Variants in ATAD3B observed in about 807,000 individuals in gnomAD.
The protein encoded by ATAD3B is ATPase family AAA domain-containing protein 3B.
Under a neutral mutation model 70.2 loss-of-function variants are expected in ATAD3B, and 59 were observed. That is an observed-to-expected ratio of 0.84 (90% CI 0.68 to 1.04). The LOEUF (loss-of-function observed/expected upper bound fraction) is 1.04, where lower values mean the gene tolerates loss of function less well. Ranked by LOEUF, ATAD3B falls within the 50% of genes least tolerant of loss-of-function variation. The pLI, the probability that ATAD3B is intolerant of heterozygous loss-of-function variation, is 0.00. For synonymous variants in ATAD3B, 423 were observed against 388.6 expected (o/e 1.09, Z -1.04); for missense variants, 961 against 913.4 (o/e 1.05, Z -0.67).
rs551300769 is a variant in ATAD3B at position 1,487,444 on chromosome 1, C to T, written c.1215-419C>T. Among the ~76,000 whole-genome samples the T allele has an allele frequency of 5.3e-5, 8 of 150,742 alleles. 1 individual carries two copies. The South Asian group carries it at 1.5e-3, about 28-fold the overall frequency. ...CAGAGCCTGCAGTGAGCCGAGATTG[C>T]GCCACTGCACTCCAGCCTGGGAGAC... is the stretch of plus-strand genomic sequence containing the variant. On this transcript the variant is annotated intron_variant, in intron 11 of 15. Coordinates refer to ENST00000673477, the MANE Select transcript of ATAD3B (RefSeq NM_031921.6).
At chr1:1,499,164 G>C (rs1269129064), downstream of ATAD3B, among the ~76,000 whole-genome samples, 1 of 151,596 alleles carries the variant, frequency 6.6e-6, no homozygotes, top group Admixed American at 6.6e-5. Context: ...GTAGAGACAG[G>C]GTTTCACCGT....
intron 1 of ATAD3B, among the ~76,000 whole-genome samples, chr1:1,476,193 A>G (rs1443293020): frequency 6.8e-6 from 1 of 146,652 alleles, no homozygotes; most frequent in Non-Finnish European, 1.5e-5. Context: ...GCTTCCTGAA[A>G]TGTGACGCTG....
the ATAD3B span, among the ~76,000 whole-genome samples, chr1:1,507,928 A>G: frequency 3.0e-3 from 459 of 152,260 alleles, 6 homozygotes; most frequent in African/African-American, 0.011. Flanking sequence ...TGTTGGCCCC[A>G]CCCGCGACTG....
At chr1:1,474,952 C>T (rs994128031) in intron 1 of ATAD3B, among the ~76,000 whole-genome samples, 2 of 149,478 alleles carry the variant, frequency 1.3e-5, no homozygotes, top group Non-Finnish European at 1.5e-5. Context: ...GGTTTTCACC[C>T]GCTAACTTCA....
chr1:1,477,610 A>G (rs1406926882), intron 2 of ATAD3B, among the ~76,000 whole-genome samples: 2 of 151,936 alleles, frequency 1.3e-5, no homozygotes, highest in East Asian at 1.9e-4. Flanking sequence ...TGGTGAGGGC[A>G]TCTGGTCGTC....
chr1:1,499,259 G>T (rs550163311), downstream of ATAD3B, among the ~76,000 whole-genome samples: 2 of 143,968 alleles, frequency 1.4e-5, no homozygotes, highest in African/African-American at 2.6e-5. Context: ...GCGTGAGCCA[G>T]TGCGCCCGGC....
At chr1:1,490,757 G>A in intron 15 of ATAD3B, 86 bp downstream of exon 15, 2 of 1,521,242 alleles carry the variant, frequency 1.3e-6, no homozygotes, top group South Asian at 2.5e-5. Flanking sequence ...CCCAGCACCG[G>A]TGTCATGTGG....
rs1640751692 is a variant in ATAD3B at position 1,495,683 on chromosome 1, C to T, written c.1813C>T (p.Pro605Ser). The change falls in exon 16 of 16, where the codon CCC becomes TCC. Residue 605 changes from proline (P) to serine (S), a missense_variant. Pro to Ser is a moderately conservative substitution (Grantham distance 74). Transcript: ENST00000673477. ...SWSLATDPSY[P>S]CLAGPCTFRI... ...GAGCCTGGCCACGGACCCCTCCTACCCCTGCCTTGCCGGCCCCTGCACATT... is the reference window on the plus strand; with the variant it reads ...GAGCCTGGCCACGGACCCCTCCTACTCCTGCCTTGCCGGCCCCTGCACATT... 1 of 1,612,996 alleles carries T rather than the reference C, an allele frequency of 6.2e-7. No homozygotes were observed. The highest frequency in any genetic ancestry group is 1.7e-5 in the Admixed American group (1 of 59,956).
At position 1,490,247 on chromosome 1, in the gene ATAD3B, T is replaced by G; in HGVS notation, c.1338-10T>G. The G allele has an allele frequency of 6.2e-7, 1 of 1,610,296 alleles. No homozygotes were observed. On this transcript the variant is annotated splice_polypyrimidine_tract_variant and intron_variant, in intron 13 of 15. Coordinates refer to ENST00000673477, the MANE Select transcript of ATAD3B (RefSeq NM_031921.6). ...GCCCCAGCGTTTCCTTCCCCATCCCTGTCCTACAGATTCATGCTGGTCCTG... is the reference window on the plus strand; with the variant it reads ...GCCCCAGCGTTTCCTTCCCCATCCCGGTCCTACAGATTCATGCTGGTCCTG...
rs375863008 is a variant in ATAD3B, at chr1:1,475,280, T to C, written c.206-1994T>C. 4.2e-3 allele frequency among the ~76,000 whole-genome samples: 638 copies of C among 150,636 alleles called. 15 individuals are homozygous for C. The highest frequency in any genetic ancestry group is 0.014 in the African/African-American group (572 of 40,656). On this transcript the variant is annotated intron_variant, in intron 1 of 15. Coordinates refer to ENST00000673477, the MANE Select transcript of ATAD3B (RefSeq NM_031921.6). ...TGTTCCAGGTGTGGGCTCTTTCATT[T>C]TGATCCCTTCTCTCCTTCCTGGCCT... is the stretch of plus-strand genomic sequence containing the variant.
At position 1,471,789 on chromosome 1, in the gene ATAD3B, C is replaced by A; in HGVS notation, c.-96C>A. 8.2e-7 allele frequency: 1 copy of A among 1,217,842 alleles called. No individual in the cohort carries two copies. The highest frequency in any genetic ancestry group is 1.0e-6 in the Non-Finnish European group (1 of 977,130). 75.4% of individuals were successfully genotyped at this position (1,217,842 alleles called of 1,614,324 possible). On this transcript the variant is annotated 5_prime_UTR_variant, in exon 1 of 16. Transcript: ENST00000673477. ...TGTTTCGCCTGCGCAGTGGTCCTGG[C>A]CACCGGCTCGCGGCGCGTGGAGGCT...
At chr1:1,502,750 G>A (rs1424054020), downstream of ATAD3B, among the ~76,000 whole-genome samples, 2 of 150,084 alleles carry the variant, frequency 1.3e-5, no homozygotes, top group African/African-American at 2.4e-5. Flanking sequence ...GAGCTCAGGC[G>A]ATCCACCCGC....
rs778278550 is a variant in ATAD3B, at chr1:1,490,390, A to C, written c.1471A>C (p.Asn491His). The change falls in exon 14 of 16, where the codon AAC (asparagine) becomes CAC (histidine). Residue 491 changes from asparagine to histidine, a missense_variant. Physicochemically the swap from Asn to His is moderately conservative, Grantham distance 68. Coordinates refer to ENST00000673477, the MANE Select transcript of ATAD3B (RefSeq NM_031921.6). ...RERLVRLHFDNCVLKPATEGK... is the reference protein window; with the variant it reads ...RERLVRLHFDHCVLKPATEGK... ...GCGCCTGGTGAGACTGCATTTTGAC[A>C]ACTGTGTTCTTAAGCCGGCCACAGA... The C allele has an allele frequency of 2.5e-6, 4 of 1,613,430 alleles. No individual in the cohort carries two copies. The highest frequency in any genetic ancestry group is 3.4e-6 in the Non-Finnish European group (4 of 1,179,656).
rs780549480 is a variant in ATAD3B at position 1,478,655 on chromosome 1, C to T, written c.294C>T (p.Ala98=). ...GCTGTGCTCTGCAGGAGTATGAGGC[C>T]GCCGTGGAGCAGCTCAAGAGCGAGC... The part of the protein sequence containing the change: ...EQQSKLKEYE[A]AVEQLKSEQI... The change falls in exon 3 of 16, where the codon GCC becomes GCT. Residue 98 remains alanine (A), a synonymous_variant. Coordinates refer to ENST00000673477, the MANE Select transcript of ATAD3B (RefSeq NM_031921.6). 2.2e-4 allele frequency: 339 copies of T among 1,546,890 alleles called. 3 individuals carry two copies. The highest frequency in any genetic ancestry group is 2.6e-4 in the Admixed American group (13 of 50,624).
At chr1:1,508,505 G>A in the ATAD3B span, among the ~76,000 whole-genome samples, 1 of 151,390 alleles carries the variant, frequency 6.6e-6, no homozygotes, top group South Asian at 2.1e-4. Flanking sequence ...CAGGCGTCCT[G>A]GTGCCCTCCT....
At chr1:1,488,583 AC>A (rs1557811436) in intron 12 of ATAD3B, among the ~76,000 whole-genome samples, 1 of 151,042 alleles carries the variant, frequency 6.6e-6, no homozygotes, top group African/African-American at 2.4e-5. Flanking sequence ...ATATGGTGAA[AC>A]CCCGTCTATA....
intron 15 of ATAD3B, among the ~76,000 whole-genome samples, chr1:1,493,723 A>G (rs1158271039): frequency 6.6e-6 from 1 of 151,812 alleles, no homozygotes; most frequent in Non-Finnish European, 1.5e-5. Flanking sequence ...CTCTGCTAAT[A>G]TTGATTGATT....
Position 1,496,108 on chromosome 1 carries a change from GC to G in ATAD3B, c.*292del. ...CCATGGCCAGGGGCCACGGAACCCG[GC>G]AGGGGTGTCTGAGGCCGCCCTGTCA... On this transcript the variant is annotated 3_prime_UTR_variant, in exon 16 of 16. Coordinates refer to ENST00000673477, the MANE Select transcript of ATAD3B (RefSeq NM_031921.6). 1 of 1,174,458 alleles carries G rather than the reference GC, an allele frequency of 8.5e-7. No homozygotes were observed. Among genetic ancestry groups the G allele is most frequent in the Non-Finnish European group, 1.1e-6 (1 of 947,678 alleles). 72.8% of individuals were successfully genotyped at this position (1,174,458 alleles called of 1,614,324 possible).
chr1:1,498,107 A>G (rs149124327), downstream of ATAD3B, among the ~76,000 whole-genome samples: 2,303 of 151,876 alleles, frequency 0.015, 36 homozygotes, highest in Middle Eastern at 0.044. Context: ...GTTCGAGACC[A>G]GCCCGGCCAA....
Sources: allele counts gnomAD v4.1 joint callset (sites outside exome capture counted in the v4.1 genomes callset), GRCh38; gene constraint gnomAD v4.1.1; transcripts MANE v1.5; gene names NCBI Gene and HGNC (gene_info 2026-07-23, HGNC 2026-07-21).